The following CHD5 variants were observed in gnomAD, a reference collection of about 807,000 sequenced individuals.
The protein encoded by CHD5 is ATP-dependent chromatin remodeler CHD5.
In CHD5, 69 loss-of-function variants were observed where a neutral mutation model predicts 230.3. The observed-to-expected ratio is 0.30, with a 90% confidence interval of 0.25 to 0.37. The LOEUF (loss-of-function observed/expected upper bound fraction) is 0.37, where lower values mean the gene tolerates loss of function less well. CHD5 is among the 10% of genes least tolerant of loss of function. The pLI is 1.00. For missense variants in CHD5, 1,827 were observed against 2,622.8 expected, an observed-to-expected ratio of 0.70 and a Z score of 6.63; for synonymous variants, 1,064 against 1,065.9, an observed-to-expected ratio of 1.00 and a Z score of 0.03.
intron 2 of CHD5, among the ~76,000 whole-genome samples, chr1:6,164,111 C>T (rs1425954460): frequency 6.6e-6 from 1 of 152,248 alleles, no homozygotes; most frequent in Non-Finnish European, 1.5e-5. Flanking sequence ...GTCCCGCCAC[C>T]CTTCCTCCTT....
At position 6,124,036 on chromosome 1, in the gene CHD5, C is replaced by T; in HGVS notation, c.4611G>A (p.Lys1537=). 1.2e-6 allele frequency: 2 copies of T among 1,613,270 alleles called. No individual in the cohort carries two copies. Among genetic ancestry groups the T allele is most frequent in the East Asian group, 2.2e-5 (1 of 44,738 alleles). The change falls in exon 31 of 42, where the codon AAG becomes AAA. Residue 1537 remains lysine (K), a synonymous_variant. Coordinates refer to ENST00000262450, the MANE Select transcript of CHD5 (RefSeq NM_015557.3). ...PDLIPEGPEG[K]KSGEVISSDP... ...CCGAGGAGATCACCTCGCCCGACTTCTTCCCCTCGGGCCCCTCAGGGATCA... is the reference window on the plus strand; with the variant it reads ...CCGAGGAGATCACCTCGCCCGACTTTTTCCCCTCGGGCCCCTCAGGGATCA...
At chr1:6,171,255 G>A (rs973782875) in intron 1 of CHD5, among the ~76,000 whole-genome samples, 5 of 152,156 alleles carry the variant, frequency 3.3e-5, no homozygotes, top group South Asian at 2.1e-4. Flanking sequence ...CCTAACCCAC[G>A]CCCAGAACAG....
intron 30 of CHD5, among the ~76,000 whole-genome samples, 153 bp downstream of exon 30, chr1:6,124,364 G>C (rs893804838): frequency 1.3e-4 from 19 of 144,302 alleles, no homozygotes; most frequent in Admixed American, 4.3e-4. Context: ...ACCCAGAAAG[G>C]CTTTCCAGGT....
chr1:6,138,861 C>T (rs759814254), intron 15 of CHD5, among the ~76,000 whole-genome samples: 2 of 152,196 alleles, frequency 1.3e-5, no homozygotes, highest in African/African-American at 2.4e-5. Flanking sequence ...CCAGAAGCAG[C>T]CCAAGTGCTC....
At chr1:6,179,464 C>G (rs936790275) in intron 1 of CHD5, among the ~76,000 whole-genome samples, 1 of 152,124 alleles carries the variant, frequency 6.6e-6, no homozygotes, top group Non-Finnish European at 1.5e-5. Flanking sequence ...CGGTCCTCGC[C>G]CCTCTCTGGG....
chr1:6,134,857 T>C lies in CHD5; in HGVS notation c.2873A>G (p.Lys958Arg), dbSNP rs201418790. 1.2e-5 allele frequency: 20 copies of C among 1,613,916 alleles called. No homozygotes were observed. The highest frequency in any genetic ancestry group is 1.7e-5 in the Non-Finnish European group (20 of 1,179,970). The change falls in exon 19 of 42, where the codon AAG becomes AGG. Residue 958 changes from lysine to arginine, a missense_variant and splice_region_variant. Coordinates refer to ENST00000262450, the MANE Select transcript of CHD5 (RefSeq NM_015557.3). This position sits in a 1 kb window ranked among gnomAD's most constrained non-coding sequence, Gnocchi z 6.3. Reference protein sequence around the residue: ...VRVELSQMQKKYYKFILTRNF... With the variant: ...VRVELSQMQKRYYKFILTRNF... The stretch of plus-strand genomic sequence containing the variant: ...CCGTGTGAGGATGAACTTGTAGTAC[T>C]TCCTGCAGCAGGGCACGAGGAAAGG...
intron 1 of CHD5, among the ~76,000 whole-genome samples, chr1:6,169,636 G>A (rs1667305806): frequency 1.3e-5 from 2 of 152,204 alleles, no homozygotes; most frequent in Non-Finnish European, 2.9e-5. Flanking sequence ...CTCTTGGCAG[G>A]CACAGCAGCA....
chr1:6,163,425 G>T (rs1667208208), intron 2 of CHD5, among the ~76,000 whole-genome samples: 1 of 152,174 alleles, frequency 6.6e-6, no homozygotes, highest in African/African-American at 2.4e-5. Context: ...GATATCACCT[G>T]AACCCTCCTC....
At position 6,102,295 on chromosome 1, in the gene CHD5, A is replaced by T. The variant is rs28540861; in HGVS notation, c.*3179T>A. 15,444 of 164,562 alleles carry T rather than the reference A, an allele frequency of 0.094. 1,071 individuals carry two copies. Among genetic ancestry groups the T allele is most frequent in the East Asian group, 0.36 (1,854 of 5,178 alleles). 10.2% of individuals were successfully genotyped at this position (164,562 alleles called of 1,614,324 possible). A position where few individuals can be genotyped will look rare whatever the true frequency, so the allele number is the denominator to read the frequency against. On this transcript the variant is annotated 3_prime_UTR_variant, in exon 42 of 42. Transcript: ENST00000262450. ...TTAAAGAAAAAAAAAACACAACGCC[A>T]GTGAGTTTGGGCTGATGCACCACAA... is the stretch of plus-strand genomic sequence containing the variant.
At chr1:6,143,714 A>G in intron 13 of CHD5, 109 bp downstream of exon 13, 2 of 974,524 alleles carry the variant, frequency 2.1e-6, no homozygotes, top group Admixed American at 1.9e-5. Flanking sequence ...ATAAGCCATG[A>G]GGGCCCAAGG....
At chr1:6,178,344 G>GT (rs2100892507) in intron 1 of CHD5, among the ~76,000 whole-genome samples, 1 of 152,232 alleles carries the variant, frequency 6.6e-6, no homozygotes, top group African/African-American at 2.4e-5. Flanking sequence ...GAGCCGGAGT[G>GT]TAAGATGGGA....
chr1:6,127,138 G>A (rs1251248223), intron 25 of CHD5: 2 of 214,632 alleles, frequency 9.3e-6, no homozygotes, highest in South Asian at 1.5e-4. Flanking sequence ...CTCCAGGAGA[G>A]ACCCACAAGG....
At chr1:6,123,616 C>T (rs142226802) in intron 31 of CHD5, among the ~76,000 whole-genome samples, 117 of 152,092 alleles carry the variant, frequency 7.7e-4, no homozygotes, top group African/African-American at 2.6e-3. Flanking sequence ...TTAGTAGAGA[C>T]GGGGTTTCAC....
chr1:6,140,271 G>A (rs1461763094), intron 15 of CHD5, among the ~76,000 whole-genome samples: 2 of 152,092 alleles, frequency 1.3e-5, no homozygotes, highest in Non-Finnish European at 2.9e-5. Flanking sequence ...GTGGTAGCAC[G>A]CGCCTGTAGT....
chr1:6,148,113 G>A (rs1254656279), intron 9 of CHD5, among the ~76,000 whole-genome samples: 1 of 152,130 alleles, frequency 6.6e-6, no homozygotes, highest in Non-Finnish European at 1.5e-5. Flanking sequence ...ACGGATGCAC[G>A]CACACACATA....
intron 36 of CHD5, 78 bp from the exon 37 acceptor site, chr1:6,110,604 G>A (rs1666272971): frequency 3.0e-6 from 4 of 1,350,146 alleles, no homozygotes; most frequent in African/African-American, 1.4e-5. Context: ...CAGGGAGGGG[G>A]AGGGGCCAGC....
At chr1:6,137,992 A>G (rs968442620) in intron 15 of CHD5, among the ~76,000 whole-genome samples, 3 of 152,118 alleles carry the variant, frequency 2.0e-5, no homozygotes, top group Admixed American at 6.5e-5. Context: ...CACCCGGTCT[A>G]TGCACCAAGT....
intron 2 of CHD5, among the ~76,000 whole-genome samples, chr1:6,165,670 A>T (rs1204668781): frequency 6.6e-6 from 1 of 151,478 alleles, no homozygotes; most frequent in Non-Finnish European, 1.5e-5. Flanking sequence ...CTCCAGAGCC[A>T]TCTACCCCAT....
In CHD5 at chr1:6,126,877, C is replaced by G. The variant is rs746688758; in HGVS notation, c.3904-131G>C. ...GATTAATGGGATGGCCTGCCTACTC[C>G]AGGAAGCCTTCTCTGATCACCCCGG... On this transcript the variant is annotated intron_variant, in intron 25 of 41. Coordinates refer to ENST00000262450, the MANE Select transcript of CHD5 (RefSeq NM_015557.3). This position sits in a 1 kb window ranked among gnomAD's most constrained non-coding sequence, Gnocchi z 5.7. 6 of 768,802 alleles carry G rather than the reference C, an allele frequency of 7.8e-6. No homozygotes were observed. The highest frequency in any genetic ancestry group is 1.3e-5 in the Non-Finnish European group (6 of 478,706). The allele number at this position is 768,802 out of a possible 1,614,324, so 47.6% of individuals were successfully genotyped here.
Sources: gnomAD v4.1 joint callset for allele counts (sites outside exome capture counted in the v4.1 genomes callset) on GRCh38, gnomAD v4.1.1 for gene constraint, Gnocchi (gnomAD v3.1) non-coding constraint, MANE v1.5 for transcripts, NCBI Gene and HGNC (gene_info 2026-07-23, HGNC 2026-07-21) for gene names.